The following RBAK variants were observed in gnomAD, a reference collection of about 807,000 sequenced individuals.
RBAK encodes the protein RB-associated KRAB zinc finger protein.
RBAK carries 39 observed loss-of-function variants against 65.8 expected under a neutral mutation model. The observed-to-expected ratio is 0.59, with a 90% CI of 0.46 to 0.77. RBAK has a LOEUF of 0.77. Ranked by LOEUF, RBAK falls within the 30% of genes least tolerant of loss-of-function variation. The pLI is 0.00. For missense variants in RBAK, 884 were observed against 855.1 expected (o/e 1.03, Z -0.42); for synonymous variants, 343 against 289.7 (o/e 1.18, Z -1.87).
At position 5,063,919 on chromosome 7, in the gene RBAK, G is replaced by A. The variant is rs760898776; in HGVS notation, c.463G>A (p.Gly155Arg). 1.9e-6 allele frequency: 3 copies of A among 1,613,756 alleles called. No individual in the cohort carries two copies. Among genetic ancestry groups the A allele is most frequent in the Non-Finnish European group, 2.5e-6 (3 of 1,179,878 alleles). ...TATTTCGCAATTAATTAGTAGTGAT[G>A]GAAGCTATGCTAGGACAAAACCTGA... The part of the protein sequence containing the change: ...ESISQLISSD[G>R]SYARTKPDEC... Residue 155 changes from glycine to arginine, a missense_variant, in exon 5 of 5, where the codon GGA becomes AGA. Transcript: ENST00000396912.
intron 2 of RBAK, among the ~76,000 whole-genome samples, chr7:5,051,584 T>C (rs1345904159): frequency 6.6e-6 from 1 of 152,210 alleles, no homozygotes; most frequent in Admixed American, 6.5e-5. Context: ...TAATTTTTGG[T>C]AGAAGATTCA....
chr7:5,048,378 T>C lies in RBAK; in HGVS notation c.15+287T>C, dbSNP rs1165284240. Among the ~76,000 whole-genome samples the C allele has an allele frequency of 6.6e-6, 1 of 152,154 alleles. No individual in the cohort carries two copies. The highest frequency in any genetic ancestry group is 1.5e-5 in the Non-Finnish European group (1 of 68,034). ...TAGAAGAGACAGGGTTTCACCATGT[T>C]GGCCAGGCTGGTCTCAAACTCCTGA... On this transcript the variant is annotated intron_variant, in intron 2 of 4. Coordinates refer to ENST00000396912, the MANE Select transcript of RBAK (RefSeq NM_021163.4). This position sits in a 1 kb window ranked among gnomAD's most constrained non-coding sequence, Gnocchi z 4.4.
At position 5,045,944 on chromosome 7, in the gene RBAK, C is replaced by A; in HGVS notation, c.-497C>A. On this transcript the variant is annotated 5_prime_UTR_variant, in exon 1 of 5. Coordinates refer to ENST00000396912, the MANE Select transcript of RBAK (RefSeq NM_021163.4). Reference sequence around the variant, plus strand: ...CCTCCAGTGGACGAGAATCGCGGAGCCTGCGGGGCTGGAGGTTGAGCGCCC... The same window carrying A: ...CCTCCAGTGGACGAGAATCGCGGAGACTGCGGGGCTGGAGGTTGAGCGCCC... 1 of 334,902 alleles carries A rather than the reference C, an allele frequency of 3.0e-6. No individual in the cohort carries two copies. The highest frequency in any genetic ancestry group is 5.7e-6 in the Non-Finnish European group (1 of 176,988). The allele number at this position is 334,902 out of a possible 1,614,324, so 20.7% of individuals were successfully genotyped here. A position where few individuals can be genotyped will look rare whatever the true frequency, so the allele number is the denominator to read the frequency against.
At position 5,052,741 on chromosome 7, in the gene RBAK, TTTGATTGATTGATTGA is replaced by T. The variant is rs35675888; in HGVS notation, c.16-4535_16-4520del. ...CGTTGTTGTTAATTAAACAGTTATCTTTGATTGATTGATTGATTGATTGATTGATTGATTTTGAGTT... is the reference window on the plus strand; with the variant it reads ...CGTTGTTGTTAATTAAACAGTTATCTTTGATTGATTGATTGATTTTGAGTT... On this transcript the variant is annotated intron_variant, in intron 2 of 4. Coordinates refer to ENST00000396912, the MANE Select transcript of RBAK (RefSeq NM_021163.4). Among the ~76,000 whole-genome samples the T allele has an allele frequency of 2.0e-5, 3 of 151,070 alleles. No homozygotes were observed. The East Asian group carries it at 5.8e-4, about 29-fold the overall frequency.
Position 5,065,570 on chromosome 7 carries a change from A to G in RBAK, c.2114A>G (p.Asn705Ser), listed in dbSNP as rs1421792163. The change falls in exon 5 of 5, where the codon AAT (asparagine) becomes AGT (serine). Residue 705 changes from asparagine (N) to serine (S), a missense_variant. By Grantham distance (46) the Asn-to-Ser change is conservative (BLOSUM62 1). Transcript: ENST00000396912. This position sits in a 1 kb window ranked among gnomAD's most constrained non-coding sequence, Gnocchi z 5.3. ...NSHQRIHRRG[N>S]MNVLDVENL Reference sequence around the variant, plus strand: ...CATCAGAGAATTCATAGAAGAGGAAATATGAACGTACTTGATGTGGAAAAT... The same window carrying G: ...CATCAGAGAATTCATAGAAGAGGAAGTATGAACGTACTTGATGTGGAAAAT... 6.5e-7 allele frequency: 1 copy of G among 1,543,496 alleles called. No homozygotes were observed.
chr7:5,053,371 T>G (rs1162005401), intron 2 of RBAK, among the ~76,000 whole-genome samples: 1 of 152,228 alleles, frequency 6.6e-6, no homozygotes, highest in African/African-American at 2.4e-5. Flanking sequence ...TGTTCCCCTG[T>G]ATATAACATG....
At chr7:5,055,938 G>A (rs1788219286) in intron 2 of RBAK, among the ~76,000 whole-genome samples, 1 of 151,840 alleles carries the variant, frequency 6.6e-6, no homozygotes, top group African/African-American at 2.4e-5. Context: ...TGAACCCCTT[G>A]TTGATATGTT....
At position 5,064,778 on chromosome 7, in the gene RBAK, T is replaced by G; in HGVS notation, c.1322T>G (p.Val441Gly). The G allele has an allele frequency of 6.2e-7, 1 of 1,613,966 alleles. No homozygotes were observed. The highest frequency in any genetic ancestry group is 8.5e-7 in the Non-Finnish European group (1 of 1,179,860). ...GAGTGTGGGAAATTCTTTTCTCGGG[T>G]GTCATACCTCACTATACATTATAGA... Reference protein sequence around the residue: ...CSECGKFFSRVSYLTIHYRSH... With the variant: ...CSECGKFFSRGSYLTIHYRSH... Residue 441 changes from valine to glycine, a missense_variant, in exon 5 of 5, where the codon GTG becomes GGG. Coordinates refer to ENST00000396912, the MANE Select transcript of RBAK (RefSeq NM_021163.4). This position sits in a 1 kb window ranked among gnomAD's most constrained non-coding sequence, Gnocchi z 6.3.
rs770260621 is a variant in RBAK, at chr7:5,065,198, C to T, written c.1742C>T (p.Ser581Phe). 7 of 1,612,920 alleles carry T rather than the reference C, an allele frequency of 4.3e-6. No individual in the cohort carries two copies. Among genetic ancestry groups the T allele is most frequent in the Non-Finnish European group, 5.9e-6 (7 of 1,179,664 alleles). ...ECGKTFSHNS[S>F]LFRHQRVHTG... ...GGGAAAACCTTTTCCCATAATTCAT[C>T]CCTCTTCAGACATCAAAGAGTACAC... is the stretch of plus-strand genomic sequence containing the variant. The change falls in exon 5 of 5, where the codon TCC becomes TTC. Residue 581 changes from serine to phenylalanine, a missense_variant. Physicochemically the swap from Ser to Phe is radical, Grantham distance 155. Transcript: ENST00000396912. The surrounding 1 kb of genome is among the most constrained non-coding windows in gnomAD (Gnocchi z 5.3).
rs1562540295 is a variant in RBAK, at chr7:5,064,170, T to A, written c.714T>A (p.Ser238=). The part of the protein sequence containing the change: ...IGEKPYEWND[S]GPDFIQMSNF... ...AGAAGCCCTATGAGTGGAATGATTCTGGACCAGACTTCATACAGATGTCAA... is the reference window on the plus strand; with the variant it reads ...AGAAGCCCTATGAGTGGAATGATTCAGGACCAGACTTCATACAGATGTCAA... The change falls in exon 5 of 5, where the codon TCT becomes TCA. Residue 238 remains serine (S), a synonymous_variant. Transcript: ENST00000396912. This position sits in a 1 kb window ranked among gnomAD's most constrained non-coding sequence, Gnocchi z 6.3. 1.9e-6 allele frequency: 3 copies of A among 1,613,984 alleles called. No individual in the cohort carries two copies. The highest frequency in any genetic ancestry group is 2.5e-6 in the Non-Finnish European group (3 of 1,179,958).
intron 2 of RBAK, among the ~76,000 whole-genome samples, chr7:5,052,490 T>C (rs1373026936): frequency 6.6e-6 from 1 of 152,238 alleles, no homozygotes; most frequent in Non-Finnish European, 1.5e-5. Flanking sequence ...GATTCTACTT[T>C]ATATCTTTTG....
rs766519773 is a variant in RBAK, at chr7:5,065,660, G to C, written c.*59G>C. ...TATAATGAATATGGGGAATCCAATA[G>C]GAAGTCAAAGCGTTTATCTGAGAGT... is the stretch of plus-strand genomic sequence containing the variant. On this transcript the variant is annotated 3_prime_UTR_variant, in exon 5 of 5. Transcript: ENST00000396912. The surrounding 1 kb of genome is among the most constrained non-coding windows in gnomAD (Gnocchi z 5.3). The C allele has an allele frequency of 3.2e-6, 4 of 1,263,974 alleles. No homozygotes were observed. Among genetic ancestry groups the C allele is most frequent in the African/African-American group, 1.5e-5 (1 of 66,256 alleles). The allele number at this position is 1,263,974 out of a possible 1,614,324, so 78.3% of individuals were successfully genotyped here. A position where few individuals can be genotyped will look rare whatever the true frequency, so the allele number is the denominator to read the frequency against.
At chr7:5,053,634 G>T (rs1381866468) in intron 2 of RBAK, among the ~76,000 whole-genome samples, 1 of 152,086 alleles carries the variant, frequency 6.6e-6, no homozygotes, top group Non-Finnish European at 1.5e-5. Context: ...ACAACACACT[G>T]TTGCTCTTTA....
intron 2 of RBAK, among the ~76,000 whole-genome samples, chr7:5,054,937 A>T (rs1041846720): frequency 2.7e-5 from 4 of 150,094 alleles, no homozygotes; most frequent in African/African-American, 7.5e-5. Flanking sequence ...AATACAACTA[A>T]TTTTTTTTGT....
chr7:5,064,340 G>C lies in RBAK; in HGVS notation c.884G>C (p.Gly295Ala). ...GEKPYECNVC[G>A]KSFSQKGTLT... ...AAACCTTATGAATGTAATGTATGTG[G>C]GAAATCCTTCAGCCAAAAGGGAACC... The change falls in exon 5 of 5, where the codon GGG becomes GCG. Residue 295 changes from glycine to alanine, a missense_variant. Physicochemically the swap from Gly to Ala is moderately conservative, Grantham distance 60. Transcript: ENST00000396912. The surrounding 1 kb of genome is among the most constrained non-coding windows in gnomAD (Gnocchi z 6.3). 6.2e-7 allele frequency: 1 copy of C among 1,614,058 alleles called. No individual in the cohort carries two copies. The highest frequency in any genetic ancestry group is 8.5e-7 in the Non-Finnish European group (1 of 1,179,988).
chr7:5,062,926 T>C (rs897689546), intron 4 of RBAK, among the ~76,000 whole-genome samples: 1 of 152,218 alleles, frequency 6.6e-6, no homozygotes, highest in African/African-American at 2.4e-5. Flanking sequence ...CATTGCTGTT[T>C]TCCTGTTCTT....
At chr7:5,056,004 C>G (rs1455310145) in intron 2 of RBAK, among the ~76,000 whole-genome samples, 1 of 151,998 alleles carries the variant, frequency 6.6e-6, no homozygotes. Context: ...TTTTTCTAAA[C>G]TACAAGTTTG....
Position 5,066,437 on chromosome 7 carries a change from TAA to T in RBAK, c.*837_*838del, listed in dbSNP as rs72131492. 17,292 of 152,124 alleles carry T rather than the reference TAA, an allele frequency of 0.11. 1,105 individuals are homozygous for T. Among genetic ancestry groups the T allele is most frequent in the African/African-American group, 0.18 (7,268 of 41,498 alleles). 9.4% of individuals were successfully genotyped at this position (152,124 alleles called of 1,614,324 possible). A position where few individuals can be genotyped will look rare whatever the true frequency, so the allele number is the denominator to read the frequency against. On this transcript the variant is annotated 3_prime_UTR_variant, in exon 5 of 5. Transcript: ENST00000396912. ...TATACATACATAATTTGGAATTGTT[TAA>T]GTCTATTTCAGTGAAAGAGAACAAG...
chr7:5,052,290 T>A (rs1189932912), intron 2 of RBAK, among the ~76,000 whole-genome samples: 2 of 152,236 alleles, frequency 1.3e-5, no homozygotes, highest in Non-Finnish European at 2.9e-5. Flanking sequence ...TGGATCTTGC[T>A]TGTTTTCATC....
Sources: gnomAD v4.1 joint callset for allele counts (sites outside exome capture counted in the v4.1 genomes callset) on GRCh38, gnomAD v4.1.1 for gene constraint, Gnocchi (gnomAD v3.1) non-coding constraint, MANE v1.5 for transcripts, NCBI Gene and HGNC (gene_info 2026-07-23, HGNC 2026-07-21) for gene names.